Variants in FAM186A observed in about 807,000 individuals in gnomAD.
The protein encoded by FAM186A is family with sequence similarity 186 member A.
FAM186A carries 163 observed loss-of-function variants against 216.8 expected under a neutral mutation model. The ratio of observed to expected loss-of-function variants is 0.75; its 90% CI spans 0.66 to 0.86. The LOEUF is 0.86. Among genes scored for constraint, FAM186A ranks in the 40% least tolerant of loss-of-function variants. The pLI, the probability that FAM186A is intolerant of heterozygous loss-of-function variation, is 0.00. For missense variants in FAM186A, 2,184 were observed against 2,746.2 expected (o/e 0.80, Z 4.58); for synonymous variants, 805 against 1,025.3 (o/e 0.79, Z 4.10).
At position 50,396,403 on chromosome 12, in the gene FAM186A, C is replaced by G. The variant is rs1187203858; in HGVS notation, c.82G>C (p.Glu28Gln). The stretch of plus-strand genomic sequence containing the variant: ...AAAGGACTAAGGATATTTTGGGGCT[C>G]TCTTCTCATGATGGTGGAATCCTTG... ...CIKDSTIMRR[E>Q]PQNILSPLML... Residue 28 changes from glutamate (E) to glutamine (Q), a missense_variant, in exon 1 of 8, where the codon GAG becomes CAG. Transcript: ENST00000327337. 6.4e-7 allele frequency: 1 copy of G among 1,551,610 alleles called. No individual in the cohort carries two copies. The highest frequency in any genetic ancestry group is 8.7e-7 in the Non-Finnish European group (1 of 1,146,980).
At chr12:50,331,474 T>G (rs1443681289) in intron 6 of FAM186A, among the ~76,000 whole-genome samples, 196 bp downstream of exon 6, 5 of 152,150 alleles carry the variant, frequency 3.3e-5, no homozygotes, top group Non-Finnish European at 5.9e-5. Context: ...ACTCCCGACC[T>G]CAGATGAGTC....
chr12:50,388,942 C>T (rs554616407), intron 1 of FAM186A, among the ~76,000 whole-genome samples: 2 of 151,640 alleles, frequency 1.3e-5, no homozygotes, highest in South Asian at 2.1e-4. Flanking sequence ...CCCAGCTACT[C>T]GGAAGTCCGA....
At chr12:50,361,029 G>T in intron 2 of FAM186A, 103 bp from the exon 3 acceptor site, 1 of 784,818 alleles carries the variant, frequency 1.3e-6, no homozygotes, top group Non-Finnish European at 1.9e-6. Context: ...GTAATATTGG[G>T]GAATATAGGT....
In FAM186A at chr12:50,334,056, C is replaced by T; in HGVS notation, c.6551G>A (p.Gly2184Asp). 6.5e-7 allele frequency: 1 copy of T among 1,550,372 alleles called. No homozygotes were observed. Among genetic ancestry groups the T allele is most frequent in the Non-Finnish European group, 8.7e-7 (1 of 1,146,676 alleles). The change falls in exon 5 of 8, where the codon GGC becomes GAC. Residue 2184 changes from glycine (G) to aspartate (D), a missense_variant. Transcript: ENST00000327337. ...RLKAIQNTGK[G>D]YEARNLHMML... ...CATGTGGAGGTTCCTGGCCTCATAG[C>T]CTTTCCCAGTATTTTGGATGGCTTT...
At chr12:50,337,616 G>A (rs1942722095) in intron 4 of FAM186A, among the ~76,000 whole-genome samples, 1 of 151,258 alleles carries the variant, frequency 6.6e-6, no homozygotes, top group Admixed American at 6.6e-5. Context: ...ATAATCTGAA[G>A]GCCGGGCGCG....
intron 1 of FAM186A, among the ~76,000 whole-genome samples, chr12:50,369,853 G>A (rs572199474): frequency 1.5e-4 from 23 of 151,990 alleles, no homozygotes; most frequent in Non-Finnish European, 2.8e-4. Context: ...GGCCGGGCGC[G>A]GTGGCTCACG....
intron 1 of FAM186A, among the ~76,000 whole-genome samples, chr12:50,378,197 C>A (rs1446004202): frequency 6.7e-6 from 1 of 149,342 alleles, no homozygotes; most frequent in Non-Finnish European, 1.5e-5. Flanking sequence ...ACACTCCAGC[C>A]TCGACAACAA....
Position 50,351,393 on chromosome 12 carries a change from G to C in FAM186A, c.5439C>G (p.Phe1813Leu). ...GGGAGGGAGGGGCCTGTGGTGCCGG[G>C]AACTGCGCAGAAGTGGATTGACCTC... The part of the protein sequence containing the change: ...VYGGQSTSAQ[F>L]PAPQAPPSPG... Residue 1813 changes from phenylalanine to leucine, a missense_variant, in exon 4 of 8, where the codon TTC becomes TTG. By Grantham distance (22) the Phe-to-Leu change is conservative. This residue lies in a region of FAM186A where 721 missense variants were observed against 816.4 expected (regional missense o/e 0.88). Transcript: ENST00000327337. The C allele has an allele frequency of 2.7e-6, 4 of 1,469,974 alleles. No individual in the cohort carries two copies. Among genetic ancestry groups the C allele is most frequent in the Non-Finnish European group, 3.6e-6 (4 of 1,111,982 alleles). The allele number at this position is 1,469,974 out of a possible 1,614,324, so 91.1% of individuals were successfully genotyped here.
chr12:50,375,013 A>G (rs1943183538), intron 1 of FAM186A, among the ~76,000 whole-genome samples: 1 of 151,934 alleles, frequency 6.6e-6, no homozygotes, highest in Admixed American at 6.6e-5. Context: ...CTCCCTTTCT[A>G]TCAAAAATAC....
chr12:50,355,188 C>T lies in FAM186A; in HGVS notation c.1644G>A (p.Arg548=). The change falls in exon 4 of 8, where the codon AGG becomes AGA. Residue 548 remains arginine, a synonymous_variant. Transcript: ENST00000327337. ...CAAATGGAGATTCACGTTTGACCTT[C>T]CTAAATTGCTCCAACATCATCATAC... The part of the protein sequence containing the change: ...GTSMMMLEQF[R]KVKRESPFDK... 6.4e-7 allele frequency: 1 copy of T among 1,551,668 alleles called. No homozygotes were observed. Among genetic ancestry groups the T allele is most frequent in the Non-Finnish European group, 8.7e-7 (1 of 1,146,996 alleles).
At chr12:50,388,136 C>A (rs1167869920) in intron 1 of FAM186A, among the ~76,000 whole-genome samples, 4 of 152,174 alleles carry the variant, frequency 2.6e-5, no homozygotes, top group Non-Finnish European at 4.4e-5. Context: ...TTCCCCACCC[C>A]TGAAGGTTGG....
rs1565887661 is a variant in FAM186A, at chr12:50,356,069, T to C, written c.763A>G (p.Asn255Asp). ...GATGATATATATTTAATAGCATTGT[T>C]TTCCAATGTACTGAACATTGTGGTG... Reference protein sequence around the residue: ...IGTTMFSTLENNAIKYISSTI... With the variant: ...IGTTMFSTLEDNAIKYISSTI... The change falls in exon 4 of 8, where the codon AAC (asparagine) becomes GAC (aspartate). Residue 255 changes from asparagine (N) to aspartate (D), a missense_variant. Physicochemically the swap from Asn to Asp is conservative, Grantham distance 23. Coordinates refer to ENST00000327337, the MANE Select transcript of FAM186A (RefSeq NM_001145475.3). 5.8e-6 allele frequency: 9 copies of C among 1,551,662 alleles called. No homozygotes were observed. Among genetic ancestry groups the C allele is most frequent in the Non-Finnish European group, 7.8e-6 (9 of 1,146,964 alleles).
At chr12:50,358,248 G>A (rs1942997401) in intron 3 of FAM186A, among the ~76,000 whole-genome samples, 1 of 152,100 alleles carries the variant, frequency 6.6e-6, no homozygotes, top group Admixed American at 6.6e-5. Context: ...ACAAGTCATA[G>A]GCAGGGAGAA....
rs370710044 is a variant in FAM186A, at chr12:50,383,463, G to A, written c.192+12830C>T. Reference sequence around the variant, plus strand: ...TACAAAAAATTAGCTGGGCGTGGTGGTGCACACCTGTAGTTCCAGCAACTT... The same window carrying A: ...TACAAAAAATTAGCTGGGCGTGGTGATGCACACCTGTAGTTCCAGCAACTT... On this transcript the variant is annotated intron_variant, in intron 1 of 7. Transcript: ENST00000327337. 9.2e-5 allele frequency among the ~76,000 whole-genome samples: 14 copies of A among 151,842 alleles called. No homozygotes were observed. The East Asian group carries it at 1.2e-3, about 13-fold the overall frequency.
chr12:50,373,075 G>GAGAAAAGAAAGAAAGAA (rs1943165050), intron 1 of FAM186A, among the ~76,000 whole-genome samples: 2 of 141,602 alleles, frequency 1.4e-5, no homozygotes, highest in Non-Finnish European at 3.1e-5. Context: ...AAGAAAGAAA[G>GAGAAAAGAAAGAAAGAA]AGAAAAGAAA....
At position 50,389,355 on chromosome 12, in the gene FAM186A, C is replaced by T. The variant is rs146889392; in HGVS notation, c.192+6938G>A. 3.9e-3 allele frequency among the ~76,000 whole-genome samples: 598 copies of T among 152,152 alleles called. 1 individual carries two copies. The highest frequency in any genetic ancestry group is 0.014 in the African/African-American group (576 of 41,516). On this transcript the variant is annotated intron_variant, in intron 1 of 7. Coordinates refer to ENST00000327337, the MANE Select transcript of FAM186A (RefSeq NM_001145475.3). ...GTCTCTACTAAAAATACAAAATTAG[C>T]CGGGCATGGTGGTGCATGCCTGTAA...
At position 50,351,761 on chromosome 12, in the gene FAM186A, G is replaced by A; in HGVS notation, c.5071C>T (p.Leu1691Phe). The part of the protein sequence containing the change: ...QEQLLKLGVP[L>F]TLDKAHTLGS... ...AAGGTATGGGCTTTATCTAAGGTGAGAGGAACCCCTAACTTCAATAACTGT... is the reference window on the plus strand; with the variant it reads ...AAGGTATGGGCTTTATCTAAGGTGAAAGGAACCCCTAACTTCAATAACTGT... Residue 1691 changes from leucine (L) to phenylalanine (F), a missense_variant, in exon 4 of 8, where the codon CTC becomes TTC. By Grantham distance (22) the Leu-to-Phe change is conservative. This residue lies in a region of FAM186A where 721 missense variants were observed against 816.4 expected (regional missense o/e 0.88). Coordinates refer to ENST00000327337, the MANE Select transcript of FAM186A (RefSeq NM_001145475.3). The A allele has an allele frequency of 6.4e-7, 1 of 1,551,216 alleles. No homozygotes were observed. The highest frequency in any genetic ancestry group is 8.7e-7 in the Non-Finnish European group (1 of 1,146,714).
At position 50,396,545 on chromosome 12, in the gene FAM186A, A is replaced by G. The variant is rs1000542964; in HGVS notation, c.-61T>C. 7 of 1,463,216 alleles carry G rather than the reference A, an allele frequency of 4.8e-6. No homozygotes were observed. In the African/African-American group the frequency reaches 8.5e-5, roughly 18 times the overall value. The allele number at this position is 1,463,216 out of a possible 1,614,324, so 90.6% of individuals were successfully genotyped here. On this transcript the variant is annotated 5_prime_UTR_variant, in exon 1 of 8. Transcript: ENST00000327337. ...TTTTCACAGAATCTACAAAAATGCT[A>G]ATAAAGATATCCAGTAGGAAGCTAG...
Position 50,352,488 on chromosome 12 carries a change from G to A in FAM186A, c.4344C>T (p.Thr1448=), listed in dbSNP as rs372930528. ...QQAQALGMPL[T]AQQAQELGIT... The stretch of plus-strand genomic sequence containing the variant: ...TCCCCAGCTCCTGAGCCTGCTGAGC[G>A]GTGAGAGGCATCCCCAGGGCCTGGG... The change falls in exon 4 of 8, where the codon ACC becomes ACT. Residue 1448 remains threonine (T), a synonymous_variant. Transcript: ENST00000327337. 164 of 1,498,606 alleles carry A rather than the reference G, an allele frequency of 1.1e-4. No individual in the cohort carries two copies. The African/African-American group carries it at 1.8e-3, about 16-fold the overall frequency. The allele number at this position is 1,498,606 out of a possible 1,614,324, so 92.8% of individuals were successfully genotyped here. A position where few individuals can be genotyped will look rare whatever the true frequency, so the allele number is the denominator to read the frequency against.
Sources: allele counts gnomAD v4.1 joint callset (sites outside exome capture counted in the v4.1 genomes callset), GRCh38; gene constraint gnomAD v4.1.1; regional missense constraint gnomAD v4.1.1; transcripts MANE v1.5; gene names NCBI Gene and HGNC (gene_info 2026-07-23, HGNC 2026-07-21).